Variants in CCBE1 observed in about 807,000 individuals in gnomAD.
CCBE1 encodes collagen and calcium-binding EGF domain-containing protein 1.
CCBE1 carries 37 observed loss-of-function variants against 50.0 expected under a neutral mutation model. The ratio of observed to expected loss-of-function variants is 0.74; its 90% CI spans 0.57 to 0.97. The LOEUF (loss-of-function observed/expected upper bound fraction) is 0.97. CCBE1 is among the 50% of genes least tolerant of loss of function. The pLI is 0.00. For synonymous variants in CCBE1, 234 were observed against 203.7 expected (o/e 1.15, Z -1.27); for missense variants, 538 against 523.8 (o/e 1.03, Z -0.26).
rs369781148 is a variant in CCBE1, at chr18:59,436,144, G to T, written c.988-3C>A. 1 of 1,613,760 alleles carries T rather than the reference G, an allele frequency of 6.2e-7. No individual in the cohort carries two copies. Among genetic ancestry groups the T allele is most frequent in the Non-Finnish European group, 8.5e-7 (1 of 1,179,676 alleles). On this transcript the variant is annotated splice_region_variant and splice_polypyrimidine_tract_variant and intron_variant, in intron 10 of 10. Coordinates refer to ENST00000439986, the MANE Select transcript of CCBE1 (RefSeq NM_133459.4). ...AAGTCGAAAGAACCAGGGGGTCCCT[G>T]TGTACATGGGAGGAATCAAAGCTAG...
chr18:59,469,750 T>C (rs1185963268), intron 3 of CCBE1, 143 bp from the exon 4 acceptor site: 1 of 1,072,520 alleles, frequency 9.3e-7, no homozygotes, highest in African/African-American at 1.6e-5. Context: ...GGACAGGAAC[T>C]CTTTAGGGCT....
chr18:59,668,017 C>T (rs1435543518), intron 2 of CCBE1, among the ~76,000 whole-genome samples: 1 of 152,076 alleles, frequency 6.6e-6, no homozygotes, highest in Non-Finnish European at 1.5e-5. Context: ...AGGAGAAATA[C>T]ATAAATGTAG....
chr18:59,542,818 G>T (rs958282990), intron 2 of CCBE1, among the ~76,000 whole-genome samples: 4 of 152,050 alleles, frequency 2.6e-5, no homozygotes, highest in African/African-American at 9.7e-5. Context: ...CTGCAGAAGT[G>T]CCTCATAGAG....
At chr18:59,588,592 C>T (rs1414226613) in intron 2 of CCBE1, among the ~76,000 whole-genome samples, 2 of 152,124 alleles carry the variant, frequency 1.3e-5, no homozygotes, top group Non-Finnish European at 2.9e-5. Context: ...GGTAATTTTT[C>T]TACCAGATAG....
chr18:59,452,654 G>A, intron 6 of CCBE1, among the ~76,000 whole-genome samples: 1 of 152,140 alleles, frequency 6.6e-6, no homozygotes, highest in Admixed American at 6.5e-5. Flanking sequence ...GAGTAGAAAT[G>A]AGAGGACCTA....
intron 2 of CCBE1, among the ~76,000 whole-genome samples, chr18:59,688,923 T>C (rs958123928): frequency 3.9e-5 from 6 of 152,202 alleles, no homozygotes; most frequent in Non-Finnish European, 8.8e-5. Flanking sequence ...TGAGGTGTTA[T>C]AGATGGAAAG....
intron 2 of CCBE1, among the ~76,000 whole-genome samples, chr18:59,504,359 TA>T (rs1192685395): frequency 2.0e-5 from 3 of 151,286 alleles, no homozygotes; most frequent in African/African-American, 2.4e-5. Context: ...TTATTGTTAG[TA>T]GTATCTGATC....
chr18:59,675,525 A>G (rs565120867), intron 2 of CCBE1, among the ~76,000 whole-genome samples: 21 of 152,292 alleles, frequency 1.4e-4, no homozygotes, highest in African/African-American at 4.6e-4. Flanking sequence ...CTCCCGTGTT[A>G]AAAGACTTTT....
chr18:59,565,988 G>C (rs2052819763), intron 2 of CCBE1, among the ~76,000 whole-genome samples: 1 of 152,120 alleles, frequency 6.6e-6, no homozygotes, highest in African/African-American at 2.4e-5. Context: ...TCTGACCTTG[G>C]AGACCCAAAA....
chr18:59,645,678 A>C (rs1163368566), intron 2 of CCBE1, among the ~76,000 whole-genome samples: 2 of 152,220 alleles, frequency 1.3e-5, no homozygotes, highest in Non-Finnish European at 2.9e-5. Context: ...TATTCTAAGG[A>C]AACTGTAGGT....
chr18:59,654,947 C>A (rs2054169233), intron 2 of CCBE1, among the ~76,000 whole-genome samples: 1 of 151,762 alleles, frequency 6.6e-6, no homozygotes, highest in Admixed American at 6.6e-5. Flanking sequence ...GTTAGCCAGG[C>A]ATGGGGGTGG....
At chr18:59,510,629 C>T (rs2144294608) in intron 2 of CCBE1, among the ~76,000 whole-genome samples, 1 of 152,138 alleles carries the variant, frequency 6.6e-6, no homozygotes, top group East Asian at 1.9e-4. Flanking sequence ...ACCATGTTGG[C>T]CAGGCTGGTC....
intron 2 of CCBE1, among the ~76,000 whole-genome samples, chr18:59,675,348 G>T (rs758491247): frequency 1.3e-5 from 2 of 152,218 alleles, no homozygotes; most frequent in Non-Finnish European, 2.9e-5. Flanking sequence ...ATATTGGTAT[G>T]ATTGGTATGG....
At chr18:59,513,347 T>C (rs192491849) in intron 2 of CCBE1, among the ~76,000 whole-genome samples, 57 of 152,132 alleles carry the variant, frequency 3.7e-4, no homozygotes, top group Non-Finnish European at 7.1e-4. Flanking sequence ...AGGGCACAGG[T>C]GCAGGTGTTG....
At chr18:59,461,664 T>C (rs1911482446) in intron 5 of CCBE1, among the ~76,000 whole-genome samples, 1 of 151,898 alleles carries the variant, frequency 6.6e-6, no homozygotes, top group African/African-American at 2.4e-5. Flanking sequence ...CTATTTGCAA[T>C]TGCTATATTT....
chr18:59,499,405 T>A (rs948012429), intron 2 of CCBE1, among the ~76,000 whole-genome samples: 1 of 152,144 alleles, frequency 6.6e-6, no homozygotes, highest in Non-Finnish European at 1.5e-5. Context: ...TTCACACTAC[T>A]GATAGAGACA....
chr18:59,529,143 T>C (rs987734112), intron 2 of CCBE1, among the ~76,000 whole-genome samples: 3 of 151,924 alleles, frequency 2.0e-5, no homozygotes, highest in African/African-American at 7.3e-5. Flanking sequence ...AGATCAGAGT[T>C]CTGTCCGTAA....
chr18:59,655,978 C>T lies in CCBE1; in HGVS notation c.212+40651G>A, dbSNP rs945123388. Among the ~76,000 whole-genome samples the T allele has an allele frequency of 3.9e-5, 6 of 152,148 alleles. No homozygotes were observed. The South Asian group carries it at 6.2e-4, about 16-fold the overall frequency. On this transcript the variant is annotated intron_variant, in intron 2 of 10. Transcript: ENST00000439986. ...TCACAAACCTGTAAATAACCTGGTC[C>T]GGCTGGCAATTTCTTCTAAATGTTG...
At chr18:59,573,295 ATATATATG>A (rs1427605718) in intron 2 of CCBE1, among the ~76,000 whole-genome samples, 5 of 120,348 alleles carry the variant, frequency 4.2e-5, no homozygotes, top group East Asian at 2.1e-4. Context: ...ATATATATAT[ATATATATG>A]TATGTATGTG....
Sources: gnomAD v4.1 joint callset for allele counts (sites outside exome capture counted in the v4.1 genomes callset) on GRCh38, gnomAD v4.1.1 for gene constraint, MANE v1.5 for transcripts, NCBI Gene and HGNC (gene_info 2026-07-23, HGNC 2026-07-21) for gene names.